Variants in KCNC2 observed in about 807,000 individuals in gnomAD.
KCNC2 encodes potassium voltage-gated channel subfamily C member 2, also known as voltage-gated potassium channel KCNC2.
KCNC2 carries 21 observed loss-of-function variants against 44.5 expected under a neutral mutation model. The observed-to-expected ratio is 0.47, with a 90% confidence interval of 0.33 to 0.68. The LOEUF (loss-of-function observed/expected upper bound fraction) is 0.68, where lower values mean the gene tolerates loss of function less well. Ranked by LOEUF, KCNC2 falls within the 30% of genes least tolerant of loss-of-function variation. KCNC2 has a pLI of 0.01. For synonymous variants in KCNC2, 391 were observed against 339.1 expected, an observed-to-expected ratio of 1.15 and a Z score of -1.68; for missense variants, 589 against 826.2, an observed-to-expected ratio of 0.71 and a Z score of 3.52.
At chr12:75,058,707 A>C (rs972702538) in intron 2 of KCNC2, among the ~76,000 whole-genome samples, 1 of 151,902 alleles carries the variant, frequency 6.6e-6, no homozygotes, top group African/African-American at 2.4e-5. Flanking sequence ...GTACCTGTAA[A>C]CCAAAGGGTC....
chr12:75,183,145 G>A (rs757610952), intron 2 of KCNC2, among the ~76,000 whole-genome samples: 62 of 152,198 alleles, frequency 4.1e-4, no homozygotes, highest in Non-Finnish European at 7.8e-4. Flanking sequence ...TGCTAACAGA[G>A]GCATTTGGAA....
intron 2 of KCNC2, among the ~76,000 whole-genome samples, chr12:75,062,696 T>C (rs1350846762): frequency 6.6e-6 from 1 of 152,058 alleles, no homozygotes; most frequent in African/African-American, 2.4e-5. Flanking sequence ...TTTCATAGAT[T>C]ATTTAACTCA....
intron 2 of KCNC2, among the ~76,000 whole-genome samples, chr12:75,096,775 A>G (rs1404524146): frequency 1.3e-5 from 2 of 152,114 alleles, no homozygotes; most frequent in African/African-American, 4.8e-5. Flanking sequence ...CCTGAAATTT[A>G]GAGATTAAGA....
At chr12:75,066,879 A>G (rs1328205969) in intron 2 of KCNC2, among the ~76,000 whole-genome samples, 1 of 152,188 alleles carries the variant, frequency 6.6e-6, no homozygotes, top group Non-Finnish European at 1.5e-5. Flanking sequence ...GTTTTAAATC[A>G]TTTAATCTAA....
intron 2 of KCNC2, among the ~76,000 whole-genome samples, chr12:75,118,958 A>T (rs1478354137): frequency 6.6e-6 from 1 of 152,242 alleles, no homozygotes; most frequent in Non-Finnish European, 1.5e-5. Flanking sequence ...AAATTTGCTT[A>T]CAAAACAAGT....
At chr12:75,163,168 G>C (rs1262012922) in intron 2 of KCNC2, among the ~76,000 whole-genome samples, 1 of 151,782 alleles carries the variant, frequency 6.6e-6, no homozygotes, top group Admixed American at 6.6e-5. Context: ...ATTGGGAGGA[G>C]AGATGGTTGC....
At chr12:75,074,421 G>C (rs911930847) in intron 2 of KCNC2, among the ~76,000 whole-genome samples, 2 of 151,964 alleles carry the variant, frequency 1.3e-5, no homozygotes, top group African/African-American at 2.4e-5. Context: ...TGCTCATTCT[G>C]ATGTCCAAAA....
chr12:75,060,638 G>T (rs1028809765), intron 2 of KCNC2, among the ~76,000 whole-genome samples: 61 of 151,522 alleles, frequency 4.0e-4, no homozygotes, highest in African/African-American at 1.5e-3. Flanking sequence ...GCTAATTTTT[G>T]TATTTTTTTT....
chr12:75,164,923 T>G (rs1891346927), intron 2 of KCNC2, among the ~76,000 whole-genome samples: 1 of 151,710 alleles, frequency 6.6e-6, no homozygotes, highest in African/African-American at 2.4e-5. Flanking sequence ...TGTGCTTCCT[T>G]AACATTAGTA....
At chr12:75,156,604 C>T (rs747132202) in intron 2 of KCNC2, among the ~76,000 whole-genome samples, 3 of 151,728 alleles carry the variant, frequency 2.0e-5, no homozygotes, top group Non-Finnish European at 2.9e-5. Context: ...CTTTCAACCT[C>T]GGTGTCCTTA....
intron 2 of KCNC2, among the ~76,000 whole-genome samples, chr12:75,150,401 C>A (rs980514165): frequency 5.3e-5 from 8 of 151,840 alleles, no homozygotes; most frequent in Admixed American, 3.3e-4. Flanking sequence ...ATCATCACCA[C>A]CAGTCTTGAT....
chr12:75,184,994 C>A (rs1360408647), intron 2 of KCNC2, among the ~76,000 whole-genome samples: 1 of 152,110 alleles, frequency 6.6e-6, no homozygotes, highest in African/African-American at 2.4e-5. Flanking sequence ...TGAATGCAGG[C>A]TCTATCTGAA....
chr12:75,201,282 A>AAC (rs2031240890), intron 2 of KCNC2, among the ~76,000 whole-genome samples: 18 of 127,122 alleles, frequency 1.4e-4, no homozygotes, highest in Middle Eastern at 3.4e-3. Context: ...AAAAAAAAAA[A>AAC]AAAAAAAAAA....
intron 2 of KCNC2, among the ~76,000 whole-genome samples, chr12:75,110,835 C>T (rs1344974825): frequency 6.6e-6 from 1 of 151,954 alleles, no homozygotes; most frequent in East Asian, 1.9e-4. Flanking sequence ...CAAACAACTA[C>T]CTAATTGTCC....
intron 2 of KCNC2, 84 bp from the exon 3 acceptor site, chr12:75,051,401 G>A (rs1228908065): frequency 1.3e-6 from 1 of 787,214 alleles, no homozygotes; most frequent in African/African-American, 1.8e-5. Flanking sequence ...AACAATCCCT[G>A]TAAATAAAAA....
Position 75,183,207 on chromosome 12 carries a change from A to G in KCNC2, c.687+24090T>C, listed in dbSNP as rs1010778009. Among the ~76,000 whole-genome samples the G allele has an allele frequency of 5.9e-5, 9 of 152,342 alleles. 1 individual carries two copies. The highest frequency in any genetic ancestry group is 3.9e-4 in the Admixed American group (6 of 15,302). On this transcript the variant is annotated intron_variant, in intron 2 of 4. Transcript: ENST00000549446. Reference sequence around the variant, plus strand: ...CACTCCACTACTAGAATTTCCTGGCATTGTAGCAAAGTAACACAGTGTGAA... The same window carrying G: ...CACTCCACTACTAGAATTTCCTGGCGTTGTAGCAAAGTAACACAGTGTGAA...
At chr12:75,107,092 T>C (rs140481788) in intron 2 of KCNC2, among the ~76,000 whole-genome samples, 4,006 of 152,010 alleles carry the variant, frequency 0.026, 88 homozygotes, top group South Asian at 0.042. Context: ...ATCATGAGGT[T>C]AGGAGATCGA....
At chr12:75,069,237 C>A (rs940951630) in intron 2 of KCNC2, among the ~76,000 whole-genome samples, 8 of 141,866 alleles carry the variant, frequency 5.6e-5, no homozygotes, top group African/African-American at 2.1e-4. Context: ...AAGGTTCAAG[C>A]GATTCTCCTG....
chr12:75,103,481 C>T (rs1051910994), intron 2 of KCNC2, among the ~76,000 whole-genome samples: 9 of 152,144 alleles, frequency 5.9e-5, no homozygotes, highest in African/African-American at 2.2e-4. Context: ...TATATTGTCA[C>T]TTAATATCAA....
Sources: allele counts gnomAD v4.1 joint callset (sites outside exome capture counted in the v4.1 genomes callset), GRCh38; gene constraint gnomAD v4.1.1; transcripts MANE v1.5; gene names NCBI Gene and HGNC (gene_info 2026-07-23, HGNC 2026-07-21).